Variants in OVCH2 observed in about 807,000 individuals in gnomAD.
The protein encoded by OVCH2 is ovochymase-2.
A neutral mutation model predicts 73.7 loss-of-function variants in OVCH2; 88 were observed. The ratio of observed to expected loss-of-function variants is 1.19; its 90% CI spans 1.01 to 1.43. The LOEUF (loss-of-function observed/expected upper bound fraction) is 1.43, where lower values mean the gene tolerates loss of function less well. Ranked by LOEUF, OVCH2 falls within the 40% of genes most tolerant of loss-of-function variation. The pLI, the probability that OVCH2 is intolerant of heterozygous loss-of-function variation, is 0.00. For missense variants in OVCH2, 706 were observed against 674.5 expected (o/e 1.05, Z -0.52); for synonymous variants, 265 against 234.5 (o/e 1.13, Z -1.19).
At chr11:7,682,140 G>T in the OVCH2 span, among the ~76,000 whole-genome samples, 1 of 152,174 alleles carries the variant, frequency 6.6e-6, no homozygotes, top group African/African-American at 2.4e-5. Flanking sequence ...GCATTACAAT[G>T]AAACATCATT....
At position 7,704,637 on chromosome 11, in the gene OVCH2, A is replaced by G. The variant is rs766222735; in HGVS notation, c.126T>C (p.Pro42=). 1 of 1,612,810 alleles carries G rather than the reference A, an allele frequency of 6.2e-7. No homozygotes were observed. The highest frequency in any genetic ancestry group is 1.1e-5 in the South Asian group (1 of 90,828). The part of the protein sequence containing the change: ...SCGQSLVKVQ[P]WNYFNIFSRI... ...GACTGAAAATGTTAAAATAATTCCA[A>G]GGCTGTACCTTAACCAGACTCTGCC... The change falls in exon 2 of 16, where the codon CCT becomes CCC. Residue 42 remains proline (P), a synonymous_variant. Transcript: ENST00000533663.
downstream of OVCH2, among the ~76,000 whole-genome samples, chr11:7,684,821 G>C (rs1298329779): frequency 6.6e-6 from 1 of 151,988 alleles, no homozygotes; most frequent in African/African-American, 2.4e-5. Context: ...TTAGGTTGAG[G>C]GAACAGTAAT....
intron 12 of OVCH2, 62 bp from the exon 13 acceptor site, chr11:7,692,057 C>T: frequency 8.0e-7 from 1 of 1,256,798 alleles, no homozygotes; most frequent in Non-Finnish European, 1.1e-6. Context: ...GACTTTGATT[C>T]AGCAGAGAAA....
In OVCH2 at chr11:7,696,714, G is replaced by T. The variant is rs374428307; in HGVS notation, c.1011C>A (p.Ser337Arg). The T allele has an allele frequency of 6.2e-7, 1 of 1,613,686 alleles. No homozygotes were observed. The highest frequency in any genetic ancestry group is 8.5e-7 in the Non-Finnish European group (1 of 1,179,824). The change falls in exon 9 of 16, where the codon AGC becomes AGA. Residue 337 changes from serine to arginine, a missense_variant. Transcript: ENST00000533663. ...FPESLHLYYESKQRCVWTLLV... is the reference protein window; with the variant it reads ...FPESLHLYYERKQRCVWTLLV... ...GTACAAAGGGGGTTACTCACTGCTTGCTCTCATAATATAGGTGGAGGCTTT... is the reference window on the plus strand; with the variant it reads ...GTACAAAGGGGGTTACTCACTGCTTTCTCTCATAATATAGGTGGAGGCTTT...
intron 12 of OVCH2, among the ~76,000 whole-genome samples, chr11:7,694,620 TTGTTTTGTTTTG>T (rs1280923010): frequency 5.5e-4 from 13 of 23,556 alleles, no homozygotes; most frequent in East Asian, 1.9e-3. Context: ...TTGTTTTGTT[TTGTTTTGTTTTG>T]TGTTTTGAGA....
At position 7,695,189 on chromosome 11, in the gene OVCH2, C is replaced by A; in HGVS notation, c.1283-1G>T. 6 of 1,554,320 alleles carry A rather than the reference C, an allele frequency of 3.9e-6. No homozygotes were observed. Among genetic ancestry groups the A allele is most frequent in the Non-Finnish European group, 4.3e-6 (5 of 1,151,412 alleles). The stretch of plus-strand genomic sequence containing the variant: ...ACAGTTAAGTAACTGCAACCTGAAT[C>A]TGAAACGTAAGAAAAAGTCCAAACA... On this transcript the variant is annotated splice_acceptor_variant, in intron 11 of 15. Transcript: ENST00000533663. LOFTEE classifies it high-confidence loss of function.
intron 8 of OVCH2, among the ~76,000 whole-genome samples, chr11:7,697,715 T>C (rs1856363538): frequency 6.6e-6 from 1 of 152,182 alleles, no homozygotes; most frequent in South Asian, 2.1e-4. Flanking sequence ...TCATTTCTCG[T>C]TTCTATTCCT....
At chr11:7,680,022 C>T in the OVCH2 span, among the ~76,000 whole-genome samples, 15 of 150,714 alleles carry the variant, frequency 1.0e-4, no homozygotes, top group Admixed American at 6.0e-4. Context: ...CGACTGTGTT[C>T]TTCGGAATAT....
At position 7,696,771 on chromosome 11, in the gene OVCH2, G is replaced by A. The variant is rs1383533098; in HGVS notation, c.954C>T (p.Val318=). The A allele has an allele frequency of 2.5e-6, 4 of 1,611,066 alleles. No individual in the cohort carries two copies. In the South Asian group the frequency reaches 3.3e-5, roughly 13 times the overall value. Residue 318 remains valine (V), a synonymous_variant, in exon 9 of 16, where the codon GTC becomes GTT. Coordinates refer to ENST00000533663, the MANE Select transcript of OVCH2 (RefSeq NM_198185.7). ...AGTGCAGCTTCCCCTCAGCCCCGCT[G>A]ACTATGACATCCTGCTCACTGCACC... The part of the protein sequence containing the change: ...RAWCSEQDVI[V]SGAEGKLHFP...
the OVCH2 span, among the ~76,000 whole-genome samples, chr11:7,684,056 G>C: frequency 6.7e-6 from 1 of 150,002 alleles, no homozygotes; most frequent in Admixed American, 6.7e-5. Context: ...TTACTTCTTT[G>C]CTTATTATCT....
Position 7,700,303 on chromosome 11 carries a change from G to T in OVCH2, c.894C>A (p.Ile298=). ...SKVLPWIHEH[I]QTGNRRKSSR... Reference sequence around the variant, plus strand: ...GTGTGATGGCTTAGTTACCAGTTTGGATGTGTTCGTGGATCCAGGGAAGCA... The same window carrying T: ...GTGTGATGGCTTAGTTACCAGTTTGTATGTGTTCGTGGATCCAGGGAAGCA... The change falls in exon 7 of 16, where the codon ATC becomes ATA. Residue 298 remains isoleucine, a synonymous_variant. Transcript: ENST00000533663. The T allele has an allele frequency of 6.2e-7, 1 of 1,613,646 alleles. No individual in the cohort carries two copies.
At chr11:7,696,823 C>T (rs376197061) in intron 8 of OVCH2, 24 bp from the exon 9 acceptor site, 1 of 1,588,548 alleles carries the variant, frequency 6.3e-7, no homozygotes, top group African/African-American at 1.3e-5. Flanking sequence ...CCAGGAGAGT[C>T]AGGGTTAGTT....
Position 7,700,471 on chromosome 11 carries a change from A to G in OVCH2, c.726T>C (p.Gly242=). 6.2e-7 allele frequency: 1 copy of G among 1,605,178 alleles called. No homozygotes were observed. Among genetic ancestry groups the G allele is most frequent in the Non-Finnish European group, 8.5e-7 (1 of 1,175,918 alleles). ...GRDACQGDSG[G]SLMCRNKKGA... ...CTTTCTTATTCCGGCACATGAGTGA[A>G]CCTCCTGAATCTCCCTGCAGAGGGA... is the stretch of plus-strand genomic sequence containing the variant. Residue 242 remains glycine, a synonymous_variant, in exon 7 of 16, where the codon GGT becomes GGC. Transcript: ENST00000533663.
At chr11:7,688,620 C>A (rs981755388), downstream of OVCH2, among the ~76,000 whole-genome samples, 4 of 151,842 alleles carry the variant, frequency 2.6e-5, no homozygotes, top group African/African-American at 9.7e-5. Flanking sequence ...CCTATGTGTC[C>A]GAAAATTTAT....
chr11:7,697,093 G>T (rs1280631233), intron 8 of OVCH2: 2 of 383,422 alleles, frequency 5.2e-6, no homozygotes, highest in African/African-American at 4.1e-5. Context: ...GTGGAGTGCA[G>T]TGGCACGATC....
chr11:7,680,470 G>A, the OVCH2 span, among the ~76,000 whole-genome samples: 1 of 152,100 alleles, frequency 6.6e-6, no homozygotes, highest in African/African-American at 2.4e-5. Flanking sequence ...TTATCCGGGT[G>A]GGCCTGATGT....
chr11:7,679,180 T>G, the OVCH2 span, among the ~76,000 whole-genome samples: 3 of 152,204 alleles, frequency 2.0e-5, no homozygotes, highest in African/African-American at 7.2e-5. Context: ...ACTTTGTAGC[T>G]GTGCATGATA....
At chr11:7,702,114 A>G (rs368040268) in intron 4 of OVCH2, 43 bp downstream of exon 4, 1 of 1,513,134 alleles carries the variant, frequency 6.6e-7, no homozygotes, top group East Asian at 2.3e-5. Context: ...GAGGTTATAG[A>G]GAACATGGGG....
At chr11:7,697,024 CTCTCTTTTT>C (rs1014589039) in intron 8 of OVCH2, 2 of 77,594 alleles carry the variant, frequency 2.6e-5, no homozygotes, top group Non-Finnish European at 6.7e-5. Context: ...TAACTCTTCT[CTCTCTTTTT>C]ATTTTATTTT....
Sources: gnomAD v4.1 joint callset for allele counts (sites outside exome capture counted in the v4.1 genomes callset) on GRCh38, gnomAD v4.1.1 for gene constraint, MANE v1.5 for transcripts, NCBI Gene and HGNC (gene_info 2026-07-23, HGNC 2026-07-21) for gene names.